NUP93: variants seen among roughly 807,000 people sequenced by gnomAD.
The protein encoded by NUP93 is nuclear pore complex protein Nup93.
NUP93 carries 55 observed loss-of-function variants against 107.8 expected under a neutral mutation model. The ratio of observed to expected loss-of-function variants is 0.51; its 90% CI spans 0.41 to 0.64. The LOEUF (loss-of-function observed/expected upper bound fraction) is 0.64. Among genes scored for constraint, NUP93 ranks in the 30% least tolerant of loss-of-function variants. The probability of loss-of-function intolerance (pLI) is 0.00; values close to 1 mark genes in which losing one functional copy is unlikely to be tolerated. For missense variants in NUP93, 937 were observed against 1,044.7 expected (o/e 0.90, Z 1.42); for synonymous variants, 390 against 397.5 (o/e 0.98, Z 0.22).
intron 3 of NUP93, among the ~76,000 whole-genome samples, chr16:56,766,168 T>C (rs1300862978): frequency 2.0e-5 from 3 of 152,228 alleles, no homozygotes; most frequent in African/African-American, 7.2e-5. Flanking sequence ...GGCTTTTTTG[T>C]CTTCTAGGAG....
chr16:56,814,378 C>T (rs1219324531), intron 5 of NUP93, among the ~76,000 whole-genome samples: 5 of 152,014 alleles, frequency 3.3e-5, no homozygotes, highest in Non-Finnish European at 5.9e-5. Flanking sequence ...TTTGTAGAGA[C>T]GGGGTTTCGC....
chr16:56,839,467 G>A, intron 19 of NUP93, 54 bp from the exon 20 acceptor site: 1 of 1,434,330 alleles, frequency 7.0e-7, no homozygotes, highest in Non-Finnish European at 9.6e-7. Flanking sequence ...CATGTAGAGA[G>A]ATGAAATGAC....
chr16:56,837,438 C>G (rs537921278), intron 17 of NUP93, among the ~76,000 whole-genome samples, 170 bp from the exon 18 acceptor site: 1 of 152,342 alleles, frequency 6.6e-6, no homozygotes, highest in East Asian at 1.9e-4. Context: ...TGGTGCATGC[C>G]TGTAATCCCA....
chr16:56,745,618 G>T (rs1054840418), intron 1 of NUP93, among the ~76,000 whole-genome samples: 4 of 152,160 alleles, frequency 2.6e-5, no homozygotes, highest in Admixed American at 1.3e-4. Flanking sequence ...GATTTGAAAG[G>T]CTTTGTTGGT....
chr16:56,756,895 G>A (rs1962034598), intron 2 of NUP93, among the ~76,000 whole-genome samples: 1 of 152,146 alleles, frequency 6.6e-6, no homozygotes, highest in Non-Finnish European at 1.5e-5. Flanking sequence ...AATAATCAGT[G>A]ATATTGAGCT....
intron 17 of NUP93, 100 bp downstream of exon 17, chr16:56,836,817 T>C: frequency 1.4e-6 from 1 of 727,876 alleles, no homozygotes; most frequent in Non-Finnish European, 2.4e-6. Context: ...TGTAGCACCC[T>C]CCCTGCAGAG....
chr16:56,840,484 C>G (rs1301483857), intron 20 of NUP93, among the ~76,000 whole-genome samples: 1 of 152,204 alleles, frequency 6.6e-6, no homozygotes. Context: ...TCTAAAAACC[C>G]TCATGCCTAC....
chr16:56,771,670 A>G (rs76712985), intron 3 of NUP93, among the ~76,000 whole-genome samples: 15,254 of 152,168 alleles, frequency 0.1, 948 homozygotes, highest in Middle Eastern at 0.24. Context: ...GCTTCTGTGG[A>G]CTGTGCACTG....
intron 3 of NUP93, among the ~76,000 whole-genome samples, chr16:56,794,082 GTAGGTAGGTAGATAGATAGATAGA>G (rs1464743742): frequency 2.2e-5 from 3 of 136,578 alleles, no homozygotes; most frequent in East Asian, 2.2e-4. Flanking sequence ...AGGTAGGTAG[GTAGGTAGGTAGATAGATAGATAGA>G]TAGATAGATA....
chr16:56,753,898 T>C (rs1433034351), intron 2 of NUP93, among the ~76,000 whole-genome samples: 1 of 152,090 alleles, frequency 6.6e-6, no homozygotes, highest in African/African-American at 2.4e-5. Flanking sequence ...GGTAGGGATG[T>C]AGATGAAACA....
intron 18 of NUP93, among the ~76,000 whole-genome samples, 189 bp from the exon 19 acceptor site, chr16:56,838,763 G>A (rs1401787911): frequency 6.6e-6 from 1 of 151,580 alleles, no homozygotes; most frequent in Admixed American, 6.6e-5. Flanking sequence ...ATGGGGTCTC[G>A]CTGTGTGTCC....
intron 8 of NUP93, 130 bp from the exon 9 acceptor site, chr16:56,828,847 C>A: frequency 1.2e-6 from 1 of 848,860 alleles, no homozygotes; most frequent in East Asian, 2.6e-5. Context: ...GTACTATTTC[C>A]TCTTCTGCAT....
At chr16:56,740,127 A>ACCCC (rs544956265) in intron 1 of NUP93, among the ~76,000 whole-genome samples, 278 of 85,010 alleles carry the variant, frequency 3.3e-3, no homozygotes, top group African/African-American at 0.014. Flanking sequence ...CGGGGGGCTG[A>ACCCC]CCCCCCCACC....
chr16:56,814,160 G>C (rs1002569756), intron 5 of NUP93, among the ~76,000 whole-genome samples: 2 of 152,140 alleles, frequency 1.3e-5, no homozygotes, highest in African/African-American at 4.8e-5. Flanking sequence ...TTTGCTAGGA[G>C]TGCTAGTTGC....
chr16:56,847,064 A>C lies in NUP93; in HGVS notation c.*2455A>C, dbSNP rs1385456233. 1.3e-5 allele frequency: 2 copies of C among 152,260 alleles called. No individual in the cohort carries two copies. Among genetic ancestry groups the C allele is most frequent in the African/African-American group, 4.8e-5 (2 of 41,442 alleles). 9.4% of individuals were successfully genotyped at this position (152,260 alleles called of 1,614,324 possible). On this transcript the variant is annotated 3_prime_UTR_variant, in exon 22 of 22. Coordinates refer to ENST00000308159, the MANE Select transcript of NUP93 (RefSeq NM_014669.5). ...CTAGGGGAGCTGTGAGTTGGGAGAA[A>C]AGTGGTCACTGGTTGGCAGTTAAGG...
chr16:56,794,927 C>CAAAAAAAAAA (rs747651772), intron 3 of NUP93, among the ~76,000 whole-genome samples: 4 of 71,912 alleles, frequency 5.6e-5, no homozygotes, highest in African/African-American at 1.2e-4. Context: ...GACTCTGTCT[C>CAAAAAAAAAA]AAAAAAAAAA....
rs60510831 is a variant in NUP93, at chr16:56,823,748, C to G, written c.696C>G (p.Asp232Glu). 2 of 1,614,026 alleles carry G rather than the reference C, an allele frequency of 1.2e-6. No individual in the cohort carries two copies. Among genetic ancestry groups the G allele is most frequent in the African/African-American group, 2.7e-5 (2 of 74,904 alleles). Residue 232 changes from aspartate (D) to glutamate (E), a missense_variant, in exon 8 of 22, where the codon GAC becomes GAG. By Grantham distance (45) the Asp-to-Glu change is conservative (BLOSUM62 2). Transcript: ENST00000308159. ...DMWTMVKQMTDVLLTPATDAL... is the reference protein window; with the variant it reads ...DMWTMVKQMTEVLLTPATDAL... ...GGACCATGGTAAAACAAATGACAGA[C>G]GTGTTGTTGACACCGGCAACGGATG...
At chr16:56,756,301 C>A (rs1187135129) in intron 2 of NUP93, among the ~76,000 whole-genome samples, 5 of 79,170 alleles carry the variant, frequency 6.3e-5, no homozygotes, top group South Asian at 8.2e-4. Flanking sequence ...CCTTGCCCCC[C>A]CCCCCCCCGA....
chr16:56,772,328 T>A (rs1962337083), intron 3 of NUP93, among the ~76,000 whole-genome samples: 1 of 152,218 alleles, frequency 6.6e-6, no homozygotes, highest in South Asian at 2.1e-4. Context: ...TCCTGTGGAA[T>A]GAACACAGTT....
Sources: gnomAD v4.1 joint callset for allele counts (sites outside exome capture counted in the v4.1 genomes callset) on GRCh38, gnomAD v4.1.1 for gene constraint, MANE v1.5 for transcripts, NCBI Gene and HGNC (gene_info 2026-07-23, HGNC 2026-07-21) for gene names.